CREB5: variants seen among roughly 807,000 people sequenced by gnomAD.
CREB5 encodes cAMP responsive element binding protein 5.
In CREB5, 19 loss-of-function variants were observed where a neutral mutation model predicts 57.1. That is an observed-to-expected ratio of 0.33 (90% CI 0.23 to 0.49). The LOEUF (loss-of-function observed/expected upper bound fraction) is 0.49. Ranked by LOEUF, CREB5 falls within the 20% of genes least tolerant of loss-of-function variation. CREB5 has a pLI of 0.99. For missense variants in CREB5, 579 were observed against 671.6 expected (o/e 0.86, Z 1.52); for synonymous variants, 238 against 238.3 (o/e 1.00, Z 0.01).
upstream of CREB5, chr7:28,410,579 C>T (rs1238864240): frequency 2.2e-6 from 1 of 456,178 alleles, no homozygotes; most frequent in East Asian, 7.0e-5. Context: ...ACTCTCACCC[C>T]CATCCCCAAC....
chr7:28,622,271 A>T (rs1021731364), intron 5 of CREB5, among the ~76,000 whole-genome samples: 2 of 150,106 alleles, frequency 1.3e-5, no homozygotes, highest in African/African-American at 5.0e-5. Flanking sequence ...ACACACACAC[A>T]CACACACACA....
At chr7:28,560,947 T>TGCGCGTGTGTGCGC (rs1562798055) in intron 4 of CREB5, among the ~76,000 whole-genome samples, 1 of 21,186 alleles carries the variant, frequency 4.7e-5, no homozygotes, top group Non-Finnish European at 9.6e-5. Context: ...CGTGCGTGTG[T>TGCGCGTGTGTGCGC]GTGCGTGTGT....
At chr7:28,697,270 CAT>C (rs1218182564) in intron 5 of CREB5, among the ~76,000 whole-genome samples, 1 of 152,158 alleles carries the variant, frequency 6.6e-6, no homozygotes, top group East Asian at 1.9e-4. Context: ...ACACTGGTAT[CAT>C]AGAAAGGCCA....
intron 5 of CREB5, among the ~76,000 whole-genome samples, chr7:28,605,392 C>T (rs1797091394): frequency 6.6e-6 from 1 of 152,162 alleles, no homozygotes; most frequent in Admixed American, 6.5e-5. Flanking sequence ...CCTCTGATTC[C>T]ATCACCAAGC....
intron 5 of CREB5, among the ~76,000 whole-genome samples, chr7:28,599,469 T>G (rs1402430891): frequency 6.6e-6 from 1 of 152,158 alleles, no homozygotes; most frequent in Non-Finnish European, 1.5e-5. Context: ...TGCAGGCACT[T>G]TGGTCTAATA....
intron 1 of CREB5, among the ~76,000 whole-genome samples, chr7:28,454,664 G>A (rs944911224): frequency 1.2e-4 from 19 of 152,204 alleles, no homozygotes; most frequent in African/African-American, 1.9e-4. Flanking sequence ...GTCAGTGAAC[G>A]CAGATATTGG....
chr7:28,785,506 T>C (rs1807269187), intron 7 of CREB5, among the ~76,000 whole-genome samples: 1 of 152,186 alleles, frequency 6.6e-6, no homozygotes, highest in Non-Finnish European at 1.5e-5. Flanking sequence ...GATAAAGCGA[T>C]GGTTGTTCTT....
intron 6 of CREB5, among the ~76,000 whole-genome samples, chr7:28,719,697 T>C (rs1583609474): frequency 6.6e-6 from 1 of 152,134 alleles, no homozygotes; most frequent in Non-Finnish European, 1.5e-5. Context: ...GTGATGGAGG[T>C]AGGACTTAGA....
chr7:28,796,557 A>T (rs1270637972), intron 7 of CREB5, among the ~76,000 whole-genome samples: 1 of 152,166 alleles, frequency 6.6e-6, no homozygotes, highest in African/African-American at 2.4e-5. Context: ...TTCACAGAAG[A>T]CGAATTTGAA....
At chr7:28,357,296 G>A (rs139420414) in intron 1 of CREB5, among the ~76,000 whole-genome samples, 2 of 152,276 alleles carry the variant, frequency 1.3e-5, no homozygotes, top group African/African-American at 4.8e-5. Context: ...AACTTTCAAT[G>A]TCCATCAGAT....
Position 28,559,865 on chromosome 7 carries a change from ATAG to A in CREB5, c.292-10494_292-10492del, listed in dbSNP as rs556943703. Among the ~76,000 whole-genome samples, 17 of 152,342 alleles carry A rather than the reference ATAG, an allele frequency of 1.1e-4. 1 individual carries two copies. The South Asian group carries it at 2.9e-3, about 26-fold the overall frequency. On this transcript the variant is annotated intron_variant, in intron 4 of 10. Transcript: ENST00000357727. Reference sequence around the variant, plus strand: ...GAATTGATTGTACAGTGAACTGGAAATAGTAGTAATAACAATCGCACATTGTGA... The same window carrying A: ...GAATTGATTGTACAGTGAACTGGAAATAGTAATAACAATCGCACATTGTGA...
At chr7:28,506,959 C>T (rs1450459445) in intron 3 of CREB5, among the ~76,000 whole-genome samples, 1 of 152,152 alleles carries the variant, frequency 6.6e-6, no homozygotes, top group Non-Finnish European at 1.5e-5. Context: ...TTTTAAAGAG[C>T]ATTTGCAGAA....
At chr7:28,603,270 A>C (rs1796990930) in intron 5 of CREB5, among the ~76,000 whole-genome samples, 1 of 152,234 alleles carries the variant, frequency 6.6e-6, no homozygotes, top group African/African-American at 2.4e-5. Flanking sequence ...CTACCAGATG[A>C]GTATTCAACG....
intron 7 of CREB5, among the ~76,000 whole-genome samples, chr7:28,727,898 C>T (rs1341367908): frequency 6.6e-6 from 1 of 152,088 alleles, no homozygotes; most frequent in Non-Finnish European, 1.5e-5. Flanking sequence ...TGATTTTCTC[C>T]TCAGTACAGC....
At chr7:28,799,959 C>A (rs935588327) in intron 7 of CREB5, among the ~76,000 whole-genome samples, 2 of 152,180 alleles carry the variant, frequency 1.3e-5, no homozygotes, top group African/African-American at 4.8e-5. Flanking sequence ...AAGTTTAATT[C>A]ATTCATTCCT....
intron 7 of CREB5, chr7:28,724,625 G>T (rs1803235556): frequency 7.6e-6 from 2 of 262,702 alleles, no homozygotes; most frequent in Admixed American, 5.2e-5. Context: ...GTATATATTT[G>T]CTCAGCATGT....
intron 1 of CREB5, among the ~76,000 whole-genome samples, chr7:28,392,950 G>A (rs191378302): frequency 3.9e-4 from 59 of 150,864 alleles, no homozygotes; most frequent in Admixed American, 2.2e-3. Context: ...TTGAGACAGA[G>A]TTTCGCTCTT....
chr7:28,811,653 G>A (rs527589442), intron 9 of CREB5, among the ~76,000 whole-genome samples: 7 of 152,126 alleles, frequency 4.6e-5, no homozygotes, highest in Non-Finnish European at 1.0e-4. Context: ...TTATAGGTGT[G>A]AGCCACTATG....
chr7:28,686,989 G>A (rs1226698253), intron 5 of CREB5, among the ~76,000 whole-genome samples: 1 of 151,944 alleles, frequency 6.6e-6, no homozygotes, highest in East Asian at 1.9e-4. Context: ...TGGGGGGTTG[G>A]GGGGGCGATT....
Sources: allele counts gnomAD v4.1 joint callset (sites outside exome capture counted in the v4.1 genomes callset), GRCh38; gene constraint gnomAD v4.1.1; transcripts MANE v1.5; gene names NCBI Gene and HGNC (gene_info 2026-07-23, HGNC 2026-07-21).